RNF10: variants seen among roughly 807,000 people sequenced by gnomAD.
The protein encoded by RNF10 is ring finger protein 10.
Under a neutral mutation model 91.4 loss-of-function variants are expected in RNF10, and 38 were observed. The observed-to-expected ratio is 0.42, with a 90% CI of 0.32 to 0.54. RNF10 has a LOEUF of 0.54. RNF10 is among the 20% of genes least tolerant of loss of function. The pLI is 0.16. For synonymous variants in RNF10, 364 were observed against 366.3 expected, an observed-to-expected ratio of 0.99 and a Z score of 0.07; for missense variants, 945 against 1,012.0, an observed-to-expected ratio of 0.93 and a Z score of 0.90.
chr12:120,563,463 A>G lies in RNF10; in HGVS notation c.1371A>G (p.Glu457=). Residue 457 remains glutamate (E), a synonymous_variant, in exon 9 of 17, where the codon GAA becomes GAG. Transcript: ENST00000325954. ...TAGAAGAGGAGGAAGCAGTGTCTGA[A>G]CCAGAGCCTGAGGGGTTGCCAGAGG... is the stretch of plus-strand genomic sequence containing the variant. ...PLVEEEEAVS[E]PEPEGLPEAC... 2 of 1,614,160 alleles carry G rather than the reference A, an allele frequency of 1.2e-6. No homozygotes were observed. The highest frequency in any genetic ancestry group is 1.7e-6 in the Non-Finnish European group (2 of 1,180,026).
intron 3 of RNF10, chr12:120,553,831 A>C (rs1245600736): frequency 6.6e-6 from 1 of 151,636 alleles, no homozygotes; most frequent in Non-Finnish European, 1.5e-5. Context: ...TTGACTTTGG[A>C]TCTAGACTGA....
intron 4 of RNF10, among the ~76,000 whole-genome samples, chr12:120,556,216 T>C (rs1159916495): frequency 6.6e-6 from 1 of 152,072 alleles, no homozygotes; most frequent in Non-Finnish European, 1.5e-5. Context: ...ACTTTTTCTT[T>C]ATGAGCAGGG....
Position 120,562,974 on chromosome 12 carries a change from C to T in RNF10, c.1158C>T (p.Ala386=), listed in dbSNP as rs139601055. The T allele has an allele frequency of 7.1e-5, 115 of 1,614,034 alleles. No homozygotes were observed. The African/African-American group carries it at 1.2e-3, about 16-fold the overall frequency. The change falls in exon 8 of 17, where the codon GCC becomes GCT. Residue 386 remains alanine, a synonymous_variant. Transcript: ENST00000325954. ...KTREEALSGL[A]GSRREVTGVV... ...GGGAAGAGGCTCTGTCGGGATTGGC[C>T]GGAAGCAGAAGGGAGGTCACTGGTG...
Position 120,563,371 on chromosome 12 carries a change from T to C in RNF10, c.1279T>C (p.Phe427Leu), listed in dbSNP as rs1210068027. The part of the protein sequence containing the change: ...RKGVLEYLSA[F>L]DEETTEVCSL... Reference sequence around the variant, plus strand: ...GGGTGTGCTGGAGTATCTGTCTGCCTTCGATGAAGAAACCACGGAAGTTTG... The same window carrying C: ...GGGTGTGCTGGAGTATCTGTCTGCCCTCGATGAAGAAACCACGGAAGTTTG... Residue 427 changes from phenylalanine to leucine, a missense_variant, in exon 9 of 17, where the codon TTC becomes CTC. By Grantham distance (22) the Phe-to-Leu change is conservative. Coordinates refer to ENST00000325954, the MANE Select transcript of RNF10 (RefSeq NM_014868.5). 2 of 1,612,998 alleles carry C rather than the reference T, an allele frequency of 1.2e-6. No individual in the cohort carries two copies. The highest frequency in any genetic ancestry group is 3.3e-5 in the Admixed American group (2 of 59,996).
intron 7 of RNF10, among the ~76,000 whole-genome samples, chr12:120,561,701 C>T (rs920100064): frequency 6.6e-6 from 1 of 152,168 alleles, no homozygotes; most frequent in Admixed American, 6.5e-5. Context: ...GTAAGGGATG[C>T]AGCTGGTATT....
chr12:120,548,618 G>A (rs1017603323), intron 2 of RNF10, among the ~76,000 whole-genome samples: 5 of 151,904 alleles, frequency 3.3e-5, no homozygotes, highest in Middle Eastern at 3.2e-3. Context: ...GATGTGAGGC[G>A]GTGCTTGAAG....
At position 120,571,220 on chromosome 12, in the gene RNF10, G is replaced by A; in HGVS notation, c.2071G>A (p.Ala691Thr). The A allele has an allele frequency of 6.2e-7, 1 of 1,613,958 alleles. No individual in the cohort carries two copies. Among genetic ancestry groups the A allele is most frequent in the Non-Finnish European group, 8.5e-7 (1 of 1,179,958 alleles). Residue 691 changes from alanine (A) to threonine (T), a missense_variant, in exon 14 of 17, where the codon GCC becomes ACC. Physicochemically the swap from Ala to Thr is moderately conservative, Grantham distance 58. Transcript: ENST00000325954. ...TCTGCTGACCCCTCTGTCACCCACT[G>A]CCAGTCAGGGCAGTCCCTCATTCTG... ...DFLLTPLSPT[A>T]SQGSPSFCVG... is the part of the protein sequence containing the mutation.
intron 3 of RNF10, 148 bp downstream of exon 3, chr12:120,552,846 C>T: frequency 4.4e-6 from 3 of 689,228 alleles, no homozygotes; most frequent in Non-Finnish European, 7.2e-6. Context: ...ACTGCCCCGC[C>T]CTTCCTTTCT....
At chr12:120,569,838 T>C (rs1407598960) in intron 13 of RNF10, among the ~76,000 whole-genome samples, 1 of 152,086 alleles carries the variant, frequency 6.6e-6, no homozygotes, top group Non-Finnish European at 1.5e-5. Context: ...GTGCCCAGCC[T>C]ATCTGTGATA....
chr12:120,546,196 A>AGG (rs1473225258), intron 1 of RNF10, among the ~76,000 whole-genome samples: 1 of 152,174 alleles, frequency 6.6e-6, no homozygotes, highest in East Asian at 1.9e-4. Context: ...GTTTTGAGGG[A>AGG]GGGGACCCGT....
intron 2 of RNF10, among the ~76,000 whole-genome samples, chr12:120,549,183 G>A (rs73230308): frequency 0.045 from 6,909 of 152,160 alleles, 264 homozygotes; most frequent in South Asian, 0.1. Flanking sequence ...AGGTGGGTTC[G>A]GAGGTAGTTG....
At chr12:120,560,254 C>T (rs759252604) in intron 6 of RNF10, among the ~76,000 whole-genome samples, 7 of 150,542 alleles carry the variant, frequency 4.6e-5, no homozygotes, top group East Asian at 2.0e-4. Flanking sequence ...TGGGTTCAAG[C>T]GATTCTCCTG....
intron 1 of RNF10, among the ~76,000 whole-genome samples, chr12:120,537,707 TAGAA>T (rs1211347977): frequency 6.6e-6 from 1 of 152,180 alleles, no homozygotes; most frequent in Non-Finnish European, 1.5e-5. Flanking sequence ...ATGTGTGTGT[TAGAA>T]AGCTTGACCA....
At chr12:120,576,139 A>G (rs1877362733) in intron 16 of RNF10, among the ~76,000 whole-genome samples, 189 bp downstream of exon 16, 1 of 152,208 alleles carries the variant, frequency 6.6e-6, no homozygotes, top group Non-Finnish European at 1.5e-5. Flanking sequence ...CACCCCAGAG[A>G]AATTGATGAC....
chr12:120,564,996 G>T, intron 10 of RNF10, 76 bp from the exon 11 acceptor site: 1 of 891,228 alleles, frequency 1.1e-6, no homozygotes, highest in Non-Finnish European at 1.9e-6. Context: ...ATATATTGTT[G>T]GATATCGGGG....
intron 1 of RNF10, among the ~76,000 whole-genome samples, chr12:120,545,373 TA>T (rs1872169516): frequency 6.8e-6 from 1 of 146,826 alleles, no homozygotes; most frequent in Non-Finnish European, 1.5e-5. Flanking sequence ...TTTGGATTTT[TA>T]GTAGAGACAG....
At chr12:120,575,971 G>A in intron 16 of RNF10, 21 bp downstream of exon 16, 1 of 1,612,444 alleles carries the variant, frequency 6.2e-7, no homozygotes, top group East Asian at 2.2e-5. Flanking sequence ...AGGCTGGAGT[G>A]CCCAGGGTTG....
In RNF10 at chr12:120,557,303, C is replaced by T. The variant is rs1195197011; in HGVS notation, c.667C>T (p.Pro223Ser). 1 of 1,614,044 alleles carries T rather than the reference C, an allele frequency of 6.2e-7. No individual in the cohort carries two copies. The highest frequency in any genetic ancestry group is 8.5e-7 in the Non-Finnish European group (1 of 1,179,988). Residue 223 changes from proline (P) to serine (S), a missense_variant, in exon 5 of 17, where the codon CCA becomes TCA. Transcript: ENST00000325954. ...EQVRICSHEV[P>S]SCPICLYPPT... is the part of the protein sequence containing the mutation. ...TCAGCGCATTTGTAGCCATGAAGTG[C>T]CATCTTGCCCAATATGCCTCTATCC...
At chr12:120,549,179 G>A (rs1181726948) in intron 2 of RNF10, among the ~76,000 whole-genome samples, 2 of 152,104 alleles carry the variant, frequency 1.3e-5, no homozygotes, top group African/African-American at 4.8e-5. Flanking sequence ...ATGGAGGTGG[G>A]TTCGGAGGTA....
Sources: gnomAD v4.1 joint callset for allele counts (sites outside exome capture counted in the v4.1 genomes callset) on GRCh38, gnomAD v4.1.1 for gene constraint, MANE v1.5 for transcripts, NCBI Gene and HGNC (gene_info 2026-07-23, HGNC 2026-07-21) for gene names.